ABCA12: variants seen among roughly 807,000 people sequenced by gnomAD.
The protein encoded by ABCA12 is ATP binding cassette subfamily A member 12, also known as glucosylceramide transporter ABCA12.
Under a neutral mutation model 293.5 loss-of-function variants are expected in ABCA12, and 156 were observed. That is an observed-to-expected ratio of 0.53 (90% CI 0.47 to 0.61). The LOEUF (loss-of-function observed/expected upper bound fraction) is 0.61, where lower values mean the gene tolerates loss of function less well. Ranked by LOEUF, ABCA12 falls within the 20% of genes least tolerant of loss-of-function variation. The pLI, the probability that ABCA12 is intolerant of heterozygous loss-of-function variation, is 0.00. For synonymous variants in ABCA12, 1,063 were observed against 1,108.0 expected, an observed-to-expected ratio of 0.96 and a Z score of 0.81; for missense variants, 2,797 against 3,090.2, an observed-to-expected ratio of 0.91 and a Z score of 2.25.
chr2:215,092,130 G>A (rs1575038376), intron 2 of ABCA12, among the ~76,000 whole-genome samples: 2 of 152,186 alleles, frequency 1.3e-5, no homozygotes, highest in East Asian at 3.9e-4. Context: ...AACTCTTACA[G>A]TGGAGGGTAA....
chr2:215,020,141 A>AT (rs1288317988), intron 11 of ABCA12, among the ~76,000 whole-genome samples: 2 of 152,214 alleles, frequency 1.3e-5, no homozygotes, highest in Non-Finnish European at 2.9e-5. Context: ...GTAAGGGCAG[A>AT]TAAAAAGCAA....
At chr2:215,081,243 T>G (rs1701929991) in intron 2 of ABCA12, among the ~76,000 whole-genome samples, 1 of 152,034 alleles carries the variant, frequency 6.6e-6, no homozygotes, top group Non-Finnish European at 1.5e-5. Flanking sequence ...TTTGGGAGGC[T>G]GAGGCAGTCC....
At chr2:214,987,518 A>G in intron 27 of ABCA12, 129 bp downstream of exon 27, 1 of 1,210,602 alleles carries the variant, frequency 8.3e-7, no homozygotes, top group Non-Finnish European at 1.1e-6. Context: ...ACGCATGTGT[A>G]GACATTTTCA....
intron 2 of ABCA12, among the ~76,000 whole-genome samples, chr2:215,099,267 T>G (rs1231112871): frequency 1.3e-5 from 2 of 152,216 alleles, no homozygotes; most frequent in Non-Finnish European, 2.9e-5. Context: ...GCACCAGCCA[T>G]GTGAGCTATC....
chr2:215,126,190 G>A (rs188215006), intron 1 of ABCA12, among the ~76,000 whole-genome samples: 77 of 152,124 alleles, frequency 5.1e-4, no homozygotes, highest in Admixed American at 3.6e-3. Flanking sequence ...TGCTGGATTC[G>A]GTTAGCAAGT....
intron 37 of ABCA12, among the ~76,000 whole-genome samples, 156 bp downstream of exon 37, chr2:214,970,117 T>C (rs1278228637): frequency 1.3e-5 from 2 of 152,088 alleles, no homozygotes; most frequent in Non-Finnish European, 2.9e-5. Context: ...TTTAGAGTCA[T>C]TATTTACATT....
intron 1 of ABCA12, among the ~76,000 whole-genome samples, chr2:215,117,231 G>C (rs1702704801): frequency 6.6e-6 from 1 of 152,138 alleles, no homozygotes; most frequent in South Asian, 2.1e-4. Context: ...ATTTTTAAAA[G>C]AGTGCAAGAG....
In ABCA12 at chr2:214,944,886, T is replaced by C. The variant is rs148640011; in HGVS notation, c.7343+115A>G. On this transcript the variant is annotated intron_variant, in intron 49 of 52. Transcript: ENST00000272895. ...TTTTGTATGTGTGTATATATATATATACACACACATATATATGTATGTGTA... is the reference window on the plus strand; with the variant it reads ...TTTTGTATGTGTGTATATATATATACACACACACATATATATGTATGTGTA... 9.9e-3 allele frequency: 7,280 copies of C among 733,030 alleles called. 75 individuals are homozygous for C. Among genetic ancestry groups the C allele is most frequent in the Non-Finnish European group, 0.015 (6,163 of 420,434 alleles). The allele number at this position is 733,030 out of a possible 1,614,324, so 45.4% of individuals were successfully genotyped here. A position where few individuals can be genotyped will look rare whatever the true frequency, so the allele number is the denominator to read the frequency against.
Position 214,948,692 on chromosome 2 carries a change from A to G in ABCA12, c.7008T>C (p.Cys2336=). The part of the protein sequence containing the change: ...VDSHSSLVGY[C]PQEDALDDLV... ...GGTCATCTAAGGCATCTTCCTGAGGACAGTAGCCAACTAATGAGCTGTGAG... is the reference window on the plus strand; with the variant it reads ...GGTCATCTAAGGCATCTTCCTGAGGGCAGTAGCCAACTAATGAGCTGTGAG... The change falls in exon 47 of 53, where the codon TGT becomes TGC. Residue 2336 remains cysteine (C), a synonymous_variant. Coordinates refer to ENST00000272895, the MANE Select transcript of ABCA12 (RefSeq NM_173076.3). The G allele has an allele frequency of 2.5e-6, 4 of 1,614,114 alleles. No individual in the cohort carries two copies. Among genetic ancestry groups the G allele is most frequent in the Non-Finnish European group, 3.4e-6 (4 of 1,179,992 alleles).
At position 214,958,175 on chromosome 2, in the gene ABCA12, C is replaced by G. The variant is rs187066043; in HGVS notation, c.6117+102G>C. ...TCTTTATTTCCTGTCTTTGTGATAA[C>G]AATTTGAACAAACTAGAGTAAATAA... On this transcript the variant is annotated intron_variant, in intron 41 of 52. Coordinates refer to ENST00000272895, the MANE Select transcript of ABCA12 (RefSeq NM_173076.3). 8,313 of 1,465,872 alleles carry G rather than the reference C, an allele frequency of 5.7e-3. 44 individuals are homozygous for G. The highest frequency in any genetic ancestry group is 6.4e-3 in the Non-Finnish European group (6,716 of 1,049,596). 90.8% of individuals were successfully genotyped at this position (1,465,872 alleles called of 1,614,324 possible).
chr2:214,958,225 T>C, intron 41 of ABCA12, 52 bp downstream of exon 41: 1 of 1,606,816 alleles, frequency 6.2e-7, no homozygotes, highest in Non-Finnish European at 8.5e-7. Context: ...ACTGATGTCT[T>C]CTATCCAAAT....
intron 32 of ABCA12, 29 bp from the exon 33 acceptor site, chr2:214,978,495 A>G: frequency 1.9e-6 from 3 of 1,609,264 alleles, no homozygotes; most frequent in Non-Finnish European, 1.7e-6. Context: ...TCACTTCATT[A>G]ACATGAAAAG....
intron 50 of ABCA12, among the ~76,000 whole-genome samples, chr2:214,940,413 G>A (rs1464303643): frequency 6.6e-6 from 1 of 152,156 alleles, no homozygotes; most frequent in African/African-American, 2.4e-5. Context: ...AGGGATACTG[G>A]CCTGAAATTT....
At chr2:215,002,861 G>C (rs1231479374) in intron 20 of ABCA12, among the ~76,000 whole-genome samples, 1 of 152,162 alleles carries the variant, frequency 6.6e-6, no homozygotes, top group African/African-American at 2.4e-5. Context: ...AAACATAAGA[G>C]TCTCAGTGCT....
At chr2:215,083,962 C>T (rs1379715232) in intron 2 of ABCA12, among the ~76,000 whole-genome samples, 1 of 151,990 alleles carries the variant, frequency 6.6e-6, no homozygotes, top group African/African-American at 2.4e-5. Flanking sequence ...TAAAGAATAT[C>T]TTTGACCTGT....
chr2:215,094,328 C>A (rs927026083), intron 2 of ABCA12, among the ~76,000 whole-genome samples: 3 of 152,186 alleles, frequency 2.0e-5, no homozygotes, highest in African/African-American at 7.2e-5. Flanking sequence ...TTGCTCAGGG[C>A]AATGCTTATG....
intron 2 of ABCA12, among the ~76,000 whole-genome samples, chr2:215,076,618 T>C (rs1701839814): frequency 1.3e-5 from 2 of 152,266 alleles, no homozygotes; most frequent in African/African-American, 4.8e-5. Flanking sequence ...TGACAAAGTT[T>C]AAAAATGTGC....
intron 23 of ABCA12, among the ~76,000 whole-genome samples, chr2:214,992,133 C>T (rs1699924144): frequency 6.6e-6 from 1 of 151,926 alleles, no homozygotes; most frequent in Non-Finnish European, 1.5e-5. Context: ...ATCCTGGTTT[C>T]TAATTTTAAC....
intron 44 of ABCA12, among the ~76,000 whole-genome samples, chr2:214,953,357 C>G (rs1698838070): frequency 6.6e-6 from 1 of 152,100 alleles, no homozygotes; most frequent in Non-Finnish European, 1.5e-5. Context: ...TATCTGTGAC[C>G]ATATATGCAA....
Sources: allele counts gnomAD v4.1 joint callset (sites outside exome capture counted in the v4.1 genomes callset), GRCh38; gene constraint gnomAD v4.1.1; transcripts MANE v1.5; gene names NCBI Gene and HGNC (gene_info 2026-07-23, HGNC 2026-07-21).